GPRC5B: variants seen among roughly 807,000 people sequenced by gnomAD.
GPRC5B encodes the protein G protein-coupled receptor class C group 5 member B.
In GPRC5B, 16 loss-of-function variants were observed where a neutral mutation model predicts 30.1. The observed-to-expected ratio is 0.53, with a 90% CI of 0.36 to 0.81. The LOEUF (loss-of-function observed/expected upper bound fraction) is 0.81. GPRC5B is among the 30% of genes least tolerant of loss of function. The pLI is 0.01. For missense variants in GPRC5B, 428 were observed against 544.7 expected (o/e 0.79, Z 2.13); for synonymous variants, 241 against 239.5 (o/e 1.01, Z -0.06).
In GPRC5B at chr16:19,869,470, G is replaced by A. The variant is rs558464817; in HGVS notation, c.1030+2346C>T. On this transcript the variant is annotated intron_variant, in intron 2 of 3. Transcript: ENST00000300571. ...TGCATCTTCAAAGAACCGAGAAAGGGCAAGTTTATTTAATCTCAAGTGCTG... is the reference window on the plus strand; with the variant it reads ...TGCATCTTCAAAGAACCGAGAAAGGACAAGTTTATTTAATCTCAAGTGCTG... Among the ~76,000 whole-genome samples the A allele has an allele frequency of 3.3e-5, 5 of 152,112 alleles. No homozygotes were observed. In the East Asian group the frequency reaches 9.6e-4, roughly 29 times the overall value.
intron 2 of GPRC5B, among the ~76,000 whole-genome samples, chr16:19,866,015 C>T (rs186831570): frequency 3.9e-5 from 6 of 151,932 alleles, no homozygotes; most frequent in African/African-American, 9.7e-5. Flanking sequence ...CTGCAACCTC[C>T]GCTTCCCGGG....
At chr16:19,866,103 A>T (rs1261722033) in intron 2 of GPRC5B, among the ~76,000 whole-genome samples, 2 of 151,360 alleles carry the variant, frequency 1.3e-5, no homozygotes, top group Non-Finnish European at 2.9e-5. Context: ...ATTTTTTTGT[A>T]CTTCTAGTAG....
rs774745807 is a variant in GPRC5B, at chr16:19,861,985, AG to A, written c.1031-13del. The A allele has an allele frequency of 1.9e-6, 3 of 1,613,584 alleles. No individual in the cohort carries two copies. The highest frequency in any genetic ancestry group is 2.5e-6 in the Non-Finnish European group (3 of 1,179,716). ...TGCTGTTCGGAGAGCTGGGGGAGGG[AG>A]GGATTGGCAAGACAACATTGCCAAA... On this transcript the variant is annotated splice_polypyrimidine_tract_variant and intron_variant, in intron 2 of 3. Transcript: ENST00000300571.
intron 1 of GPRC5B, among the ~76,000 whole-genome samples, chr16:19,883,916 CT>C (rs1428793405): frequency 6.6e-6 from 1 of 152,196 alleles, no homozygotes; most frequent in Non-Finnish European, 1.5e-5. Context: ...CGCGCGCTCC[CT>C]TTTCGGCCTA....
chr16:19,869,046 T>C (rs938961759), intron 2 of GPRC5B, among the ~76,000 whole-genome samples: 3 of 152,084 alleles, frequency 2.0e-5, no homozygotes, highest in Admixed American at 2.0e-4. Flanking sequence ...TTTATAATAG[T>C]GGCCGGGCGC....
At chr16:19,869,650 C>T (rs544668055) in intron 2 of GPRC5B, among the ~76,000 whole-genome samples, 2 of 152,280 alleles carry the variant, frequency 1.3e-5, no homozygotes, top group South Asian at 4.1e-4. Context: ...CTGAAGCCCC[C>T]TGCAGCAGTA....
intron 1 of GPRC5B, among the ~76,000 whole-genome samples, chr16:19,880,772 C>T (rs959319754): frequency 2.6e-5 from 4 of 152,234 alleles, no homozygotes; most frequent in African/African-American, 9.6e-5. Flanking sequence ...TCTTGGGAAC[C>T]AGCATCCTCA....
intron 3 of GPRC5B, among the ~76,000 whole-genome samples, chr16:19,861,445 G>A (rs1444885028): frequency 6.6e-6 from 1 of 152,154 alleles, no homozygotes; most frequent in Non-Finnish European, 1.5e-5. Flanking sequence ...CTGGGGAGGA[G>A]TCAACAGAGG....
upstream of GPRC5B, chr16:19,885,019 A>AC (rs1347737498): frequency 3.7e-6 from 2 of 535,064 alleles, no homozygotes; most frequent in African/African-American, 4.3e-5. The surrounding 1 kb of genome is among the most constrained non-coding windows in gnomAD (Gnocchi z 5.3). Context: ...GTCTGCATGC[A>AC]CCCCCGGAGC....
chr16:19,876,402 G>A (rs546078537), intron 1 of GPRC5B, among the ~76,000 whole-genome samples: 1 of 152,192 alleles, frequency 6.6e-6, no homozygotes, highest in African/African-American at 2.4e-5. Flanking sequence ...AGCAAGCCTG[G>A]TTTAGGCACG....
At chr16:19,885,295 C>T, upstream of GPRC5B, 3 of 1,268,186 alleles carry the variant, frequency 2.4e-6, no homozygotes, top group South Asian at 3.8e-5. The surrounding 1 kb of genome is among the most constrained non-coding windows in gnomAD (Gnocchi z 5.3). Flanking sequence ...GTAACTTCCC[C>T]GAAACACACC....
intron 2 of GPRC5B, among the ~76,000 whole-genome samples, chr16:19,870,741 A>T (rs2056710379): frequency 6.6e-6 from 1 of 152,210 alleles, no homozygotes; most frequent in Non-Finnish European, 1.5e-5. Flanking sequence ...CAGCTGGGTC[A>T]GGTGCAATAG....
In GPRC5B at chr16:19,858,359, GGC is replaced by G; in HGVS notation, c.*2139_*2140del. The G allele has an allele frequency of 2.2e-6, 1 of 446,746 alleles. No homozygotes were observed. The highest frequency in any genetic ancestry group is 4.0e-6 in the Non-Finnish European group (1 of 251,898). The allele number at this position is 446,746 out of a possible 1,614,324, so 27.7% of individuals were successfully genotyped here. On this transcript the variant is annotated 3_prime_UTR_variant, in exon 4 of 4. Coordinates refer to ENST00000300571, the MANE Select transcript of GPRC5B (RefSeq NM_016235.3). ...GGTCTCATTAAATGAGGCTTCCCAT[GGC>G]TCAAAGATGGCTCTGTTCTTATGCT...
At position 19,872,788 on chromosome 16, in the gene GPRC5B, G is replaced by A; in HGVS notation, c.58C>T (p.Leu20Phe). ...RAHQVLTFLL[L>F]FVITSVASEN... is the part of the protein sequence containing the mutation. Reference sequence around the variant, plus strand: ...GAGGCCACCGAGGTGATCACGAAGAGCAGGAGGAAGGTGAGCACCTGGTGA... The same window carrying A: ...GAGGCCACCGAGGTGATCACGAAGAACAGGAGGAAGGTGAGCACCTGGTGA... The change falls in exon 2 of 4, where the codon CTC becomes TTC. Residue 20 changes from leucine to phenylalanine, a missense_variant. Coordinates refer to ENST00000300571, the MANE Select transcript of GPRC5B (RefSeq NM_016235.3). This position sits in a 1 kb window ranked among gnomAD's most constrained non-coding sequence, Gnocchi z 5.0. The A allele has an allele frequency of 1.2e-6, 2 of 1,613,772 alleles. No homozygotes were observed.
At chr16:19,866,995 A>T (rs1270342158) in intron 2 of GPRC5B, among the ~76,000 whole-genome samples, 11 of 152,194 alleles carry the variant, frequency 7.2e-5, no homozygotes, top group Admixed American at 7.2e-4. Context: ...CTGCATTTTT[A>T]CAAGAAAGGA....
At position 19,857,285 on chromosome 16, in the gene GPRC5B, C is replaced by CCACA. The variant is rs1405598903; in HGVS notation, c.*3211_*3214dup. 1.5e-5 allele frequency: 5 copies of CCACA among 340,008 alleles called. No individual in the cohort carries two copies. The highest frequency in any genetic ancestry group is 2.8e-5 in the Non-Finnish European group (5 of 181,144). The allele number at this position is 340,008 out of a possible 1,614,324, so 21.1% of individuals were successfully genotyped here. On this transcript the variant is annotated 3_prime_UTR_variant, in exon 4 of 4. Transcript: ENST00000300571. Reference sequence around the variant, plus strand: ...TGCACTGGGTTGTTTTGACAAGCTACCACACGTCTTAAGTAAATAGTAAAG... The same window carrying CCACA: ...TGCACTGGGTTGTTTTGACAAGCTACCACACACACGTCTTAAGTAAATAGTAAAG...
chr16:19,883,983 C>T (rs2056829472), intron 1 of GPRC5B, among the ~76,000 whole-genome samples: 1 of 152,136 alleles, frequency 6.6e-6, no homozygotes, highest in Non-Finnish European at 1.5e-5. Flanking sequence ...GCCTGTGTCC[C>T]CCAAGGAGAG....
At chr16:19,885,545 C>T (rs2056843849), upstream of GPRC5B, 2 of 1,097,750 alleles carry the variant, frequency 1.8e-6, no homozygotes, top group Non-Finnish European at 1.1e-6. The surrounding 1 kb of genome is among the most constrained non-coding windows in gnomAD (Gnocchi z 5.3). Flanking sequence ...GTCGGTGCAC[C>T]CCTCACGTGG....
rs1180238613 is a variant in GPRC5B, at chr16:19,881,827, AG to A, written c.-2+2899del. Among the ~76,000 whole-genome samples, 4 of 152,356 alleles carry A rather than the reference AG, an allele frequency of 2.6e-5. No homozygotes were observed. The East Asian group carries it at 7.7e-4, about 29-fold the overall frequency. On this transcript the variant is annotated intron_variant, in intron 1 of 3. Coordinates refer to ENST00000300571, the MANE Select transcript of GPRC5B (RefSeq NM_016235.3). ...TCCCATTTTCCTGTTGCGAAAATGA[AG>A]GCAGAGACGTCAGGAAAATTGGCCA... is the stretch of plus-strand genomic sequence containing the variant.
Sources: allele counts gnomAD v4.1 joint callset (sites outside exome capture counted in the v4.1 genomes callset), GRCh38; gene constraint gnomAD v4.1.1; non-coding constraint Gnocchi (gnomAD v3.1); transcripts MANE v1.5; gene names NCBI Gene and HGNC (gene_info 2026-07-23, HGNC 2026-07-21).